The following FAM135A variants were observed in gnomAD, a reference collection of about 807,000 sequenced individuals.
The protein encoded by FAM135A is family with sequence similarity 135 member A.
Under a neutral mutation model 146.8 loss-of-function variants are expected in FAM135A, and 79 were observed. The observed-to-expected ratio is 0.54, with a 90% CI of 0.45 to 0.65. The LOEUF (loss-of-function observed/expected upper bound fraction) is 0.65, where lower values mean the gene tolerates loss of function less well. Among genes scored for constraint, FAM135A ranks in the 30% least tolerant of loss-of-function variants. The pLI, the probability that FAM135A is intolerant of heterozygous loss-of-function variation, is 0.00. For synonymous variants in FAM135A, 562 were observed against 603.6 expected (o/e 0.93, Z 1.01); for missense variants, 1,623 against 1,758.2 (o/e 0.92, Z 1.38).
chr6:70,493,180 T>TA (rs1184187220), intron 11 of FAM135A, among the ~76,000 whole-genome samples: 1 of 152,104 alleles, frequency 6.6e-6, no homozygotes, highest in East Asian at 1.9e-4. Context: ...CTCTTCAAGA[T>TA]ATATTAATTG....
chr6:70,423,121 CA>C (rs1050339994), intron 2 of FAM135A, among the ~76,000 whole-genome samples: 16 of 152,246 alleles, frequency 1.1e-4, no homozygotes, highest in African/African-American at 3.4e-4. Context: ...TTCCAGGGAA[CA>C]ACGAGTGCAG....
At chr6:70,536,483 G>GT in intron 19 of FAM135A, 72 bp downstream of exon 19, 2 of 1,244,734 alleles carry the variant, frequency 1.6e-6, no homozygotes, top group Non-Finnish European at 2.1e-6. Context: ...ATTTTCTGGT[G>GT]TTTATTTTAG....
At chr6:70,463,857 C>T (rs1779880043) in intron 5 of FAM135A, among the ~76,000 whole-genome samples, 1 of 152,156 alleles carries the variant, frequency 6.6e-6, no homozygotes, top group Non-Finnish European at 1.5e-5. Context: ...TTTTGCTTTC[C>T]TCAGATTCAA....
At chr6:70,475,955 G>T (rs912482459) in intron 7 of FAM135A, among the ~76,000 whole-genome samples, 1 of 152,148 alleles carries the variant, frequency 6.6e-6, no homozygotes, top group Non-Finnish European at 1.5e-5. Flanking sequence ...AAGAAATATG[G>T]AACAATTTTT....
chr6:70,504,953 T>TC (rs1249093698), intron 12 of FAM135A: 1 of 145,936 alleles, frequency 6.9e-6, no homozygotes, highest in East Asian at 2.0e-4. Context: ...AGAGTCAAAC[T>TC]CCATCTCAAA....
chr6:70,518,189 A>G (rs181178737), intron 12 of FAM135A, among the ~76,000 whole-genome samples: 3 of 152,318 alleles, frequency 2.0e-5, no homozygotes, highest in African/African-American at 2.4e-5. Flanking sequence ...CTTAGTAGTG[A>G]TGTGGGAAAA....
chr6:70,424,642 T>G (rs1452460903), intron 2 of FAM135A, among the ~76,000 whole-genome samples: 1 of 152,228 alleles, frequency 6.6e-6, no homozygotes, highest in Non-Finnish European at 1.5e-5. Context: ...AAACCTGACA[T>G]GGGGTATTGG....
chr6:70,533,580 A>G (rs1796228096), intron 17 of FAM135A, among the ~76,000 whole-genome samples, 177 bp from the exon 18 acceptor site: 2 of 152,140 alleles, frequency 1.3e-5, no homozygotes, highest in African/African-American at 4.8e-5. Flanking sequence ...TTTTTCCCCT[A>G]GAAATTTACT....
chr6:70,535,176 C>T (rs886342965), intron 18 of FAM135A, among the ~76,000 whole-genome samples: 1 of 152,118 alleles, frequency 6.6e-6, no homozygotes, highest in African/African-American at 2.4e-5. Flanking sequence ...ACCCCCACTA[C>T]TTTAGGAAGT....
intron 4 of FAM135A, among the ~76,000 whole-genome samples, chr6:70,435,891 G>T (rs1476387152): frequency 1.3e-5 from 2 of 152,144 alleles, no homozygotes; most frequent in East Asian, 3.9e-4. Context: ...TATTCTTAAA[G>T]TTCATGAACT....
At chr6:70,422,606 GA>G (rs1769109604) in intron 2 of FAM135A, among the ~76,000 whole-genome samples, 1 of 152,160 alleles carries the variant, frequency 6.6e-6, no homozygotes, top group African/African-American at 2.4e-5. Context: ...AAGAGTGGAA[GA>G]AACTGCAAAC....
intron 10 of FAM135A, among the ~76,000 whole-genome samples, chr6:70,483,524 C>T (rs9455127): frequency 0.018 from 2,706 of 152,218 alleles, 73 homozygotes; most frequent in African/African-American, 0.062. Flanking sequence ...AAGGCCACTA[C>T]CTCAAATGTA....
chr6:70,525,583 A>G lies in FAM135A; in HGVS notation c.2499A>G (p.Ile833Met), dbSNP rs780648166. 6.8e-6 allele frequency: 11 copies of G among 1,613,506 alleles called. No individual in the cohort carries two copies. The highest frequency in any genetic ancestry group is 5.0e-5 in the Admixed American group (3 of 59,970). Residue 833 changes from isoleucine to methionine, a missense_variant, in exon 15 of 22, where the codon ATA becomes ATG. By Grantham distance (10) the Ile-to-Met change is conservative. Around this residue, in one of 7 missense-constraint regions of FAM135A, gnomAD observed 1,061 missense variants for 1,113.8 expected, o/e 0.95. Coordinates refer to ENST00000418814, the MANE Select transcript of FAM135A (RefSeq NM_001162529.3). ...AGAGTACAAGTGCTATAAGTGAAAT[A>G]CAGTCATCTTTGACATCCATAAACT... ...CTESTSAISEIQSSLTSINSL... is the reference protein window; with the variant it reads ...CTESTSAISEMQSSLTSINSL...
intron 2 of FAM135A, among the ~76,000 whole-genome samples, chr6:70,425,074 C>T (rs1238874675): frequency 2.7e-5 from 4 of 148,880 alleles, no homozygotes; most frequent in African/African-American, 7.3e-5. Context: ...TTATGCTATT[C>T]ATATATATAT....
chr6:70,561,018 T>C lies in FAM135A; in HGVS notation c.*1097T>C, dbSNP rs1317447378. On this transcript the variant is annotated 3_prime_UTR_variant, in exon 22 of 22. Coordinates refer to ENST00000418814, the MANE Select transcript of FAM135A (RefSeq NM_001162529.3). ...TTTACTTGTGAAAATAAAAATGCACTAAGGTTGGGTAGAAGTTCTGTTTGC... is the reference window on the plus strand; with the variant it reads ...TTTACTTGTGAAAATAAAAATGCACCAAGGTTGGGTAGAAGTTCTGTTTGC... The C allele has an allele frequency of 6.6e-6, 1 of 152,574 alleles. No individual in the cohort carries two copies. The highest frequency in any genetic ancestry group is 2.4e-5 in the African/African-American group (1 of 41,452). 9.5% of individuals were successfully genotyped at this position (152,574 alleles called of 1,614,324 possible).
At chr6:70,537,564 A>C (rs182174005) in intron 19 of FAM135A, among the ~76,000 whole-genome samples, 2 of 152,336 alleles carry the variant, frequency 1.3e-5, no homozygotes, top group Admixed American at 1.3e-4. Flanking sequence ...TTTGAATTTC[A>C]TTCTTCACTA....
chr6:70,497,709 G>A (rs577982781), intron 11 of FAM135A, among the ~76,000 whole-genome samples: 3 of 152,256 alleles, frequency 2.0e-5, no homozygotes, highest in African/African-American at 7.2e-5. Flanking sequence ...AACATGAAGG[G>A]ATGTTAAATT....
chr6:70,541,680 T>C (rs553322707), intron 20 of FAM135A, among the ~76,000 whole-genome samples: 23 of 152,296 alleles, frequency 1.5e-4, no homozygotes, highest in Middle Eastern at 3.4e-3. Flanking sequence ...CTCTAGCTTG[T>C]CCTCTGTGCT....
intron 12 of FAM135A, among the ~76,000 whole-genome samples, chr6:70,515,588 G>A (rs1792009596): frequency 6.6e-6 from 1 of 152,122 alleles, no homozygotes; most frequent in African/African-American, 2.4e-5. Context: ...GATCCGGGTT[G>A]TCAGGGGCTC....
Sources: allele counts gnomAD v4.1 joint callset (sites outside exome capture counted in the v4.1 genomes callset), GRCh38; gene constraint gnomAD v4.1.1; regional missense constraint gnomAD v4.1.1; transcripts MANE v1.5; gene names NCBI Gene and HGNC (gene_info 2026-07-23, HGNC 2026-07-21).